Variants in UNC80 observed in about 807,000 individuals in gnomAD.
UNC80 encodes unc-80 subunit of NALCN channel complex, also known as protein unc-80 homolog.
UNC80 carries 164 observed loss-of-function variants against 384.6 expected under a neutral mutation model. The ratio of observed to expected loss-of-function variants is 0.43; its 90% confidence interval spans 0.38 to 0.49. UNC80 has a LOEUF of 0.49. Ranked by LOEUF, UNC80 falls within the 20% of genes least tolerant of loss-of-function variation. UNC80 has a pLI of 0.00. For synonymous variants in UNC80, 1,486 were observed against 1,527.8 expected, an observed-to-expected ratio of 0.97 and a Z score of 0.64; for missense variants, 3,330 against 4,143.0, an observed-to-expected ratio of 0.80 and a Z score of 5.39.
chr2:209,785,901 A>G (rs1027156184), intron 4 of UNC80, among the ~76,000 whole-genome samples, 165 bp from the exon 5 acceptor site: 1 of 152,222 alleles, frequency 6.6e-6, no homozygotes, highest in Non-Finnish European at 1.5e-5. Context: ...ACTTTGGGTC[A>G]TTGGTTTACT....
intron 28 of UNC80, among the ~76,000 whole-genome samples, chr2:209,902,794 A>G (rs1574950726): frequency 6.6e-6 from 1 of 152,296 alleles, no homozygotes; most frequent in Non-Finnish European, 1.5e-5. Context: ...CATGATTTTT[A>G]TATGCACTGG....
intron 4 of UNC80, among the ~76,000 whole-genome samples, chr2:209,783,713 T>C (rs2077272414): frequency 6.6e-6 from 1 of 152,144 alleles, no homozygotes; most frequent in Non-Finnish European, 1.5e-5. Context: ...CCTGCTGCAG[T>C]TTCCACAGGA....
chr2:209,810,194 G>C (rs2079234361), intron 7 of UNC80, among the ~76,000 whole-genome samples: 1 of 152,132 alleles, frequency 6.6e-6, no homozygotes, highest in Non-Finnish European at 1.5e-5. Context: ...TGTCTCAAGA[G>C]GGACTGTAAG....
chr2:209,935,375 A>T (rs1024803530), intron 39 of UNC80, among the ~76,000 whole-genome samples: 1 of 152,156 alleles, frequency 6.6e-6, no homozygotes, highest in South Asian at 2.1e-4. Flanking sequence ...TAATCTCCGC[A>T]CTTTGGGAGG....
At chr2:209,933,370 C>T (rs569514690) in intron 38 of UNC80, among the ~76,000 whole-genome samples, 88 of 152,072 alleles carry the variant, frequency 5.8e-4, no homozygotes, top group South Asian at 6.2e-4. Context: ...TACACGTGTA[C>T]CCCTGAATTT....
chr2:209,779,852 C>A (rs2077060517), intron 4 of UNC80, among the ~76,000 whole-genome samples: 1 of 152,074 alleles, frequency 6.6e-6, no homozygotes, highest in East Asian at 1.9e-4. Context: ...TAGGAGTGCC[C>A]AGGGTGGATG....
At chr2:209,937,723 C>A in intron 42 of UNC80, 93 bp downstream of exon 42, 1 of 913,674 alleles carries the variant, frequency 1.1e-6, no homozygotes, top group Non-Finnish European at 1.7e-6. Flanking sequence ...TTTTATGATT[C>A]CATTTTGACC....
At chr2:209,905,320 T>C (rs1404654243) in intron 29 of UNC80, among the ~76,000 whole-genome samples, 1 of 152,268 alleles carries the variant, frequency 6.6e-6, no homozygotes, top group African/African-American at 2.4e-5. Flanking sequence ...CAGAAGAGGT[T>C]TTGCAGATGT....
chr2:209,925,679 G>A (rs549996538), intron 35 of UNC80, among the ~76,000 whole-genome samples: 1 of 152,190 alleles, frequency 6.6e-6, no homozygotes, highest in Non-Finnish European at 1.5e-5. Context: ...ACTGACTGGT[G>A]CGATTTTACA....
rs2092925840 is a variant in UNC80, at chr2:209,973,155, G to A, written c.8472G>A (p.Arg2824=). 2 of 1,551,634 alleles carry A rather than the reference G, an allele frequency of 1.3e-6. No individual in the cohort carries two copies. The highest frequency in any genetic ancestry group is 1.7e-6 in the Non-Finnish European group (2 of 1,146,996). The change falls in exon 56 of 65, where the codon AGG becomes AGA. Residue 2824 remains arginine, a synonymous_variant. Coordinates refer to ENST00000673920, the MANE Select transcript of UNC80 (RefSeq NM_001371986.1). ...LLPPRIISTS[R]SKNFMLESSP... ...CACCGCGGATCATCAGCACATCCAGGAGCAAGAACTTCATGTTAGAGAGCT... is the reference window on the plus strand; with the variant it reads ...CACCGCGGATCATCAGCACATCCAGAAGCAAGAACTTCATGTTAGAGAGCT...
intron 24 of UNC80, among the ~76,000 whole-genome samples, chr2:209,879,826 TC>T: frequency 6.6e-6 from 1 of 151,966 alleles, no homozygotes; most frequent in East Asian, 1.9e-4. Context: ...AGAGGCAAAG[TC>T]CCCGGCAACA....
intron 8 of UNC80, among the ~76,000 whole-genome samples, chr2:209,814,919 G>A (rs1243143691): frequency 2.0e-5 from 3 of 151,860 alleles, no homozygotes; most frequent in Non-Finnish European, 4.4e-5. Flanking sequence ...TGCCTAAGTG[G>A]ATATCTGCTT....
chr2:209,792,623 A>C (rs1418159467), intron 6 of UNC80, among the ~76,000 whole-genome samples: 1 of 152,202 alleles, frequency 6.6e-6, no homozygotes. Context: ...CTAGGATTAC[A>C]GGCATGAGCC....
At chr2:209,809,455 C>G (rs1406844177) in intron 7 of UNC80, 3 of 1,471,760 alleles carry the variant, frequency 2.0e-6, no homozygotes, top group African/African-American at 1.4e-5. Flanking sequence ...CTCCAACCTG[C>G]GGGCCCACCT....
chr2:209,824,851 T>A (rs1424882929), intron 13 of UNC80, among the ~76,000 whole-genome samples: 1 of 152,166 alleles, frequency 6.6e-6, no homozygotes, highest in African/African-American at 2.4e-5. Context: ...TATATCTGGT[T>A]CCAAAGTTTA....
intron 24 of UNC80, among the ~76,000 whole-genome samples, chr2:209,879,787 A>G (rs532671761): frequency 1.3e-5 from 2 of 152,300 alleles, no homozygotes; most frequent in South Asian, 4.1e-4. Context: ...TGGAAATTCT[A>G]CAGAAGCTTG....
chr2:209,826,115 A>C, intron 14 of UNC80, 62 bp downstream of exon 14: 1 of 1,464,396 alleles, frequency 6.8e-7, no homozygotes, highest in East Asian at 2.6e-5. Flanking sequence ...TTTAAGAATG[A>C]GTCCTTTGAC....
At chr2:209,915,404 CAAAAAAAA>C (rs5838189) in intron 31 of UNC80, among the ~76,000 whole-genome samples, 2 of 76,992 alleles carry the variant, frequency 2.6e-5, no homozygotes, top group African/African-American at 1.0e-4. Flanking sequence ...GACTCTGTCT[CAAAAAAAA>C]AAAAAAAAAA....
intron 14 of UNC80, 37 bp downstream of exon 14, chr2:209,826,090 C>T: frequency 6.6e-7 from 1 of 1,522,434 alleles, no homozygotes. Context: ...TCCTCTCCCT[C>T]TTCCTTCCCT....
Sources: allele counts gnomAD v4.1 joint callset (sites outside exome capture counted in the v4.1 genomes callset), GRCh38; gene constraint gnomAD v4.1.1; transcripts MANE v1.5; gene names NCBI Gene and HGNC (gene_info 2026-07-23, HGNC 2026-07-21).